The following MED12L variants were observed in gnomAD, a reference collection of about 807,000 sequenced individuals.
MED12L encodes the protein mediator complex subunit 12L, also known as mediator of RNA polymerase II transcription subunit 12-like protein.
Under a neutral mutation model 281.3 loss-of-function variants are expected in MED12L, and 60 were observed. The observed-to-expected ratio is 0.21, with a 90% CI of 0.17 to 0.26. MED12L has a LOEUF of 0.26. MED12L is among the 10% of genes least tolerant of loss of function. MED12L has a pLI of 1.00. For synonymous variants in MED12L, 974 were observed against 987.2 expected (o/e 0.99, Z 0.25); for missense variants, 2,146 against 2,680.9 (o/e 0.80, Z 4.41).
At chr3:151,202,487 A>G (rs1725744954) in intron 16 of MED12L, among the ~76,000 whole-genome samples, 1 of 152,158 alleles carries the variant, frequency 6.6e-6, no homozygotes, top group Non-Finnish European at 1.5e-5. Context: ...CCTGGCCAAC[A>G]TGGTGAAATC....
At chr3:151,124,695 C>T (rs531872076) in intron 4 of MED12L, among the ~76,000 whole-genome samples, 1 of 152,290 alleles carries the variant, frequency 6.6e-6, no homozygotes, top group African/African-American at 2.4e-5. Context: ...CTGTATGGAT[C>T]ATGTTTCAGG....
At chr3:151,364,142 A>G (rs1226085164) in intron 21 of MED12L, among the ~76,000 whole-genome samples, 1 of 152,226 alleles carries the variant, frequency 6.6e-6, no homozygotes, top group African/African-American at 2.4e-5. Flanking sequence ...TGCTACCTAC[A>G]GAAGGTAAGC....
chr3:151,389,956 T>C, intron 37 of MED12L, 23 bp from the exon 38 acceptor site: 1 of 1,612,582 alleles, frequency 6.2e-7, no homozygotes, highest in Non-Finnish European at 8.5e-7. Flanking sequence ...TTACGTAACT[T>C]TTTAAAAAAC....
rs774270501 is a variant in MED12L, at chr3:151,360,551, A to G, written c.2903A>G (p.Tyr968Cys). ...SPERCILAYL[Y>C]DLYVSCSHLR... ...GAAAGATGCATTTTAGCCTACCTCTATGATCTCTATGTGTCATGTAGCCAC... is the reference window on the plus strand; with the variant it reads ...GAAAGATGCATTTTAGCCTACCTCTGTGATCTCTATGTGTCATGTAGCCAC... Residue 968 changes from tyrosine (Y) to cysteine (C), a missense_variant, in exon 21 of 45, where the codon TAT becomes TGT. Tyr to Cys is a radical substitution (Grantham distance 194). Coordinates refer to ENST00000687756, the MANE Select transcript of MED12L (RefSeq NM_001393769.1). 4.0e-5 allele frequency: 65 copies of G among 1,612,762 alleles called. No homozygotes were observed. Among genetic ancestry groups the G allele is most frequent in the Admixed American group, 5.0e-5 (3 of 59,948 alleles).
chr3:151,132,875 T>C (rs6780120), intron 5 of MED12L, among the ~76,000 whole-genome samples: 34,859 of 152,188 alleles, frequency 0.23, 4,476 homozygotes, highest in African/African-American at 0.36. Context: ...CATTTGGCTG[T>C]GTAGACATAG....
At chr3:151,291,150 G>GTTTTTT (rs59482240) in intron 16 of MED12L, among the ~76,000 whole-genome samples, 2 of 127,554 alleles carry the variant, frequency 1.6e-5, no homozygotes, top group African/African-American at 2.8e-5. Flanking sequence ...CTTGTTTTCT[G>GTTTTTT]TTTTTTTTTT....
chr3:151,156,048 C>T, intron 5 of MED12L, 113 bp from the exon 6 acceptor site: 2 of 862,194 alleles, frequency 2.3e-6, no homozygotes, highest in Non-Finnish European at 1.7e-6. Flanking sequence ...TTTTAGGGAG[C>T]AGATGTTTGT....
Position 151,156,164 on chromosome 3 carries a change from G to A in MED12L, c.560G>A (p.Trp187Ter), listed in dbSNP as rs1719251291. ...TTTTTCTTTTTTTAAAATGCAGAGT[G>A]GACACAGATATCTACCAGATATCTT... ...KRQAPDPNLE[W>*]TQISTRYLRE... Residue 187 changes from tryptophan to a stop codon, truncating the protein, a stop_gained, in exon 6 of 45, where the codon TGG becomes TAG. Transcript: ENST00000687756. LOFTEE classifies it high-confidence loss of function. 1 of 1,600,594 alleles carries A rather than the reference G, an allele frequency of 6.2e-7. No homozygotes were observed. The highest frequency in any genetic ancestry group is 8.5e-7 in the Non-Finnish European group (1 of 1,175,284).
At chr3:151,320,268 T>C (rs1156435955) in intron 16 of MED12L, among the ~76,000 whole-genome samples, 1 of 152,188 alleles carries the variant, frequency 6.6e-6, no homozygotes, top group Non-Finnish European at 1.5e-5. Context: ...GGCGTCATAG[T>C]CCTTTATAGT....
At chr3:151,367,941 T>C (rs1193735318) in intron 24 of MED12L, among the ~76,000 whole-genome samples, 175 bp downstream of exon 24, 2 of 152,188 alleles carry the variant, frequency 1.3e-5, no homozygotes, top group African/African-American at 4.8e-5. Context: ...TTAACATGTA[T>C]CACCGTGAAA....
At chr3:151,281,230 T>C (rs1218863578) in intron 16 of MED12L, among the ~76,000 whole-genome samples, 1 of 3,502 alleles carries the variant, frequency 2.9e-4, no homozygotes, top group Non-Finnish European at 6.0e-4. Flanking sequence ...CTACCAAAAA[T>C]ACAAAAAAAA....
At chr3:151,316,457 A>G (rs1748253149) in intron 16 of MED12L, 1 of 152,220 alleles carries the variant, frequency 6.6e-6, no homozygotes, top group African/African-American at 2.4e-5. Context: ...CTCATATCTT[A>G]CTGTCAGCAT....
chr3:151,227,622 G>C (rs2149304431), intron 16 of MED12L, among the ~76,000 whole-genome samples: 1 of 152,300 alleles, frequency 6.6e-6, no homozygotes, highest in South Asian at 2.1e-4. Context: ...TGGAGGGTGA[G>C]GTGTGGCATA....
chr3:151,129,032 A>G (rs1361199143), intron 5 of MED12L, among the ~76,000 whole-genome samples: 4 of 152,244 alleles, frequency 2.6e-5, no homozygotes, highest in African/African-American at 9.6e-5. Context: ...AGAAATGTAC[A>G]TAAAGAGTTA....
intron 4 of MED12L, among the ~76,000 whole-genome samples, chr3:151,125,950 G>C (rs1714450535): frequency 6.6e-6 from 1 of 152,012 alleles, no homozygotes; most frequent in African/African-American, 2.4e-5. Flanking sequence ...TCTGTCATGG[G>C]GTCTGTGTTC....
intron 16 of MED12L, among the ~76,000 whole-genome samples, chr3:151,303,694 C>T (rs1193585363): frequency 3.3e-5 from 5 of 152,104 alleles, no homozygotes; most frequent in Non-Finnish European, 7.4e-5. Context: ...ACCCAGGAGG[C>T]GGAAGTTGCA....
Position 151,365,188 on chromosome 3 carries a change from G to A in MED12L, c.3167G>A (p.Gly1056Asp). 6.2e-7 allele frequency: 1 copy of A among 1,613,884 alleles called. No homozygotes were observed. ...AATACACTCATGAATGTATGTATGGGCCATCAGGATGCTGGCAGGTGAGAT... is the reference window on the plus strand; with the variant it reads ...AATACACTCATGAATGTATGTATGGACCATCAGGATGCTGGCAGGTGAGAT... ...VCNTLMNVCMGHQDAGRINDI... is the reference protein window; with the variant it reads ...VCNTLMNVCMDHQDAGRINDI... Residue 1056 changes from glycine (G) to aspartate (D), a missense_variant, in exon 22 of 45, where the codon GGC (glycine) becomes GAC (aspartate). By Grantham distance (94) the Gly-to-Asp change is moderately conservative (BLOSUM62 -1). This residue lies in a region of MED12L where 404 missense variants were observed against 603.5 expected (regional missense o/e 0.67). Transcript: ENST00000687756.
At chr3:151,144,062 G>T (rs1255649959) in intron 5 of MED12L, among the ~76,000 whole-genome samples, 1 of 152,188 alleles carries the variant, frequency 6.6e-6, no homozygotes, top group African/African-American at 2.4e-5. Context: ...TGGAGAAGGA[G>T]CTGAGCCTGT....
chr3:151,317,452 T>C (rs1343737313), intron 16 of MED12L, among the ~76,000 whole-genome samples: 1 of 124,372 alleles, frequency 8.0e-6, no homozygotes, highest in East Asian at 2.3e-4. Context: ...TTTTTTTTTT[T>C]TTTTTTTTTT....
Sources: gnomAD v4.1 joint callset for allele counts (sites outside exome capture counted in the v4.1 genomes callset) on GRCh38, gnomAD v4.1.1 for gene constraint, gnomAD v4.1.1 regional missense constraint, MANE v1.5 for transcripts, NCBI Gene and HGNC (gene_info 2026-07-23, HGNC 2026-07-21) for gene names.